NXPE2: variants seen among roughly 807,000 people sequenced by gnomAD.
NXPE2 encodes the protein neurexophilin and PC-esterase domain family member 2.
NXPE2 carries 34 observed loss-of-function variants against 34.4 expected under a neutral mutation model. That is an observed-to-expected ratio of 0.99 (90% CI 0.75 to 1.31). The LOEUF (loss-of-function observed/expected upper bound fraction) is 1.31. Among genes scored for constraint, NXPE2 ranks in the 40% most tolerant of loss-of-function variants. NXPE2 has a pLI of 0.00. For missense variants in NXPE2, 649 were observed against 672.5 expected (o/e 0.97, Z 0.39); for synonymous variants, 235 against 231.3 (o/e 1.02, Z -0.15).
chr11:114,697,944 T>G, intron 2 of NXPE2, 101 bp from the exon 3 acceptor site: 1 of 1,136,254 alleles, frequency 8.8e-7, no homozygotes, highest in East Asian at 2.8e-5. Flanking sequence ...GATATTTAAT[T>G]TATCACACTG....
chr11:114,598,798 G>A, the NXPE2 span, among the ~76,000 whole-genome samples: 1 of 151,882 alleles, frequency 6.6e-6, no homozygotes, highest in Non-Finnish European at 1.5e-5. Context: ...TCTGTGATGG[G>A]AGAGGCTTCC....
the NXPE2 span, among the ~76,000 whole-genome samples, chr11:114,787,219 A>G: frequency 1.8e-4 from 27 of 152,262 alleles, no homozygotes; most frequent in Admixed American, 1.6e-3. Flanking sequence ...TGGGGAAAAA[A>G]GCTCGGGAGC....
chr11:114,566,595 G>A, the NXPE2 span, among the ~76,000 whole-genome samples: 1 of 152,130 alleles, frequency 6.6e-6, no homozygotes, highest in Non-Finnish European at 1.5e-5. Context: ...CAGAGAATAG[G>A]AGGTAGCAAG....
At chr11:114,812,123 T>C in the NXPE2 span, among the ~76,000 whole-genome samples, 1 of 152,226 alleles carries the variant, frequency 6.6e-6, no homozygotes, top group Non-Finnish European at 1.5e-5. Context: ...ACAGTGGAGT[T>C]TGAGCTCTTT....
At chr11:114,476,859 G>T in the NXPE2 span, among the ~76,000 whole-genome samples, 1 of 152,156 alleles carries the variant, frequency 6.6e-6, no homozygotes, top group Non-Finnish European at 1.5e-5. Context: ...GAGGTAGTGG[G>T]TATTGAAGGG....
chr11:114,579,888 A>C, the NXPE2 span, among the ~76,000 whole-genome samples: 2 of 152,236 alleles, frequency 1.3e-5, no homozygotes, highest in Non-Finnish European at 1.5e-5. Context: ...TACTGGGTAC[A>C]TACTGAAGTG....
the NXPE2 span, among the ~76,000 whole-genome samples, chr11:114,743,142 CA>C: frequency 1.3e-5 from 2 of 152,106 alleles, no homozygotes; most frequent in Non-Finnish European, 2.9e-5. Flanking sequence ...ACTATTTAAC[CA>C]AACTGTTTTT....
the NXPE2 span, among the ~76,000 whole-genome samples, chr11:114,464,431 A>G: frequency 4.6e-5 from 7 of 152,322 alleles, no homozygotes; most frequent in South Asian, 2.1e-4. Context: ...TTGACATTAT[A>G]ATGGGTTTAT....
intron 2 of NXPE2, among the ~76,000 whole-genome samples, chr11:114,683,690 A>T (rs1316791982): frequency 6.6e-6 from 1 of 152,174 alleles, no homozygotes; most frequent in Non-Finnish European, 1.5e-5. Flanking sequence ...AGAGTCAAAG[A>T]TTTTTATAAG....
chr11:114,613,006 G>A, the NXPE2 span, among the ~76,000 whole-genome samples: 1 of 151,942 alleles, frequency 6.6e-6, no homozygotes, highest in African/African-American at 2.4e-5. Context: ...TGGATAATTA[G>A]TGTTGCCTCT....
At chr11:114,775,821 T>C in the NXPE2 span, among the ~76,000 whole-genome samples, 3 of 149,314 alleles carry the variant, frequency 2.0e-5, no homozygotes, top group African/African-American at 7.4e-5. Flanking sequence ...GGGTGGTAGA[T>C]ACTTGCTAAG....
the NXPE2 span, among the ~76,000 whole-genome samples, chr11:114,625,322 A>G: frequency 6.6e-6 from 1 of 150,396 alleles, no homozygotes; most frequent in Non-Finnish European, 1.5e-5. Context: ...TAAGTGTTGC[A>G]CTGTGGGTAA....
chr11:114,696,484 A>C (rs1030816387), intron 2 of NXPE2, among the ~76,000 whole-genome samples: 1 of 152,178 alleles, frequency 6.6e-6, no homozygotes, highest in African/African-American at 2.4e-5. Context: ...TAATGCTTGT[A>C]TGAATTTATT....
chr11:114,618,701 G>A, the NXPE2 span, among the ~76,000 whole-genome samples: 1 of 152,036 alleles, frequency 6.6e-6, no homozygotes, highest in Non-Finnish European at 1.5e-5. Context: ...AATAAGTGCT[G>A]TGTCGTGGGT....
the NXPE2 span, chr11:114,522,842 G>T: frequency 1.4e-6 from 2 of 1,472,528 alleles, no homozygotes; most frequent in Non-Finnish European, 1.9e-6. Flanking sequence ...TTTAAAACCA[G>T]CCTGAATTTC....
the NXPE2 span, chr11:114,580,036 G>T: frequency 9.1e-7 from 1 of 1,096,700 alleles, no homozygotes; most frequent in Non-Finnish European, 1.4e-6. Context: ...TGAAGAATAT[G>T]AAAAAAAGAG....
At chr11:114,725,957 TA>T in the NXPE2 span, among the ~76,000 whole-genome samples, 2 of 51,776 alleles carry the variant, frequency 3.9e-5, no homozygotes, top group South Asian at 1.4e-3. Context: ...CCCTAGAACT[TA>T]AAGTATAATA....
chr11:114,642,929 T>C, the NXPE2 span, among the ~76,000 whole-genome samples: 1 of 152,084 alleles, frequency 6.6e-6, no homozygotes, highest in East Asian at 1.9e-4. Context: ...GCATCGGATG[T>C]TTCCTGACAT....
chr11:114,770,619 G>A, the NXPE2 span, among the ~76,000 whole-genome samples: 1 of 152,220 alleles, frequency 6.6e-6, no homozygotes, highest in Non-Finnish European at 1.5e-5. Context: ...GGGGAAAGAT[G>A]AGCCATGTCT....
Sources: allele counts gnomAD v4.1 joint callset (sites outside exome capture counted in the v4.1 genomes callset), GRCh38; gene constraint gnomAD v4.1.1; transcripts MANE v1.5; gene names NCBI Gene and HGNC (gene_info 2026-07-23, HGNC 2026-07-21).